PDE11A: variants seen among roughly 807,000 people sequenced by gnomAD.
PDE11A encodes phosphodiesterase 11A.
Under a neutral mutation model 100.5 loss-of-function variants are expected in PDE11A, and 100 were observed. The observed-to-expected ratio is 1.00, with a 90% CI of 0.85 to 1.18. PDE11A has a LOEUF of 1.18. Ranked by LOEUF, PDE11A falls within the 50% of genes most tolerant of loss-of-function variation. The pLI, the probability that PDE11A is intolerant of heterozygous loss-of-function variation, is 0.00. For missense variants in PDE11A, 1,141 were observed against 1,152.6 expected, an observed-to-expected ratio of 0.99 and a Z score of 0.15; for synonymous variants, 381 against 420.8, an observed-to-expected ratio of 0.91 and a Z score of 1.16.
intron 19 of PDE11A, among the ~76,000 whole-genome samples, chr2:177,637,321 A>T (rs143949550): frequency 6.6e-6 from 1 of 152,144 alleles, no homozygotes. Flanking sequence ...TCCCTAGAGA[A>T]CTAATCCTTC....
At chr2:177,768,540 G>C (rs2082268706) in intron 10 of PDE11A, among the ~76,000 whole-genome samples, 1 of 152,144 alleles carries the variant, frequency 6.6e-6, no homozygotes, top group Admixed American at 6.6e-5. Flanking sequence ...AAAAGGAAAG[G>C]AAATCAATTT....
intron 9 of PDE11A, among the ~76,000 whole-genome samples, chr2:177,789,304 T>C (rs932455609): frequency 3.8e-4 from 58 of 152,208 alleles, no homozygotes; most frequent in Non-Finnish European, 6.6e-4. Context: ...ATTATCTCAA[T>C]AGATGCAGAA....
chr2:177,998,726 G>T, intron 2 of PDE11A: 1 of 953,876 alleles, frequency 1.0e-6, no homozygotes. Flanking sequence ...CCGTGGTATC[G>T]GCCATGATGC....
intron 4 of PDE11A, among the ~76,000 whole-genome samples, chr2:177,880,093 C>A (rs2084304660): frequency 6.6e-6 from 1 of 152,164 alleles, no homozygotes; most frequent in Non-Finnish European, 1.5e-5. Flanking sequence ...ACACTGTATT[C>A]ATGAACCACG....
At chr2:177,830,849 A>G (rs534571343) in intron 6 of PDE11A, among the ~76,000 whole-genome samples, 2 of 151,964 alleles carry the variant, frequency 1.3e-5, no homozygotes, top group African/African-American at 2.4e-5. Context: ...ATAAATAAAT[A>G]TAATATTATA....
intron 5 of PDE11A, among the ~76,000 whole-genome samples, chr2:177,853,678 A>ATGTG (rs2083765478): frequency 5.9e-5 from 2 of 33,864 alleles, no homozygotes; most frequent in African/African-American, 2.0e-4. Context: ...ATATATATAT[A>ATGTG]TATGTGTGTG....
chr2:178,072,799 A>G, upstream of PDE11A: 1 of 1,222,888 alleles, frequency 8.2e-7, no homozygotes, highest in Non-Finnish European at 1.0e-6. Context: ...CCGCTGTGAC[A>G]GGGAGGTAGG....
rs1057233303 is a variant in PDE11A at position 178,044,431 on chromosome 2, T to C, written c.912+27095A>G. Among the ~76,000 whole-genome samples the C allele has an allele frequency of 5.4e-5, 8 of 148,944 alleles. No individual in the cohort carries two copies. In the East Asian group the frequency reaches 1.6e-3, roughly 29 times the overall value. ...TATATAAACTTTATATATATGTTTA[T>C]ATACATAAACATATATATGTATGTA... On this transcript the variant is annotated intron_variant, in intron 1 of 19. Transcript: ENST00000286063.
intron 9 of PDE11A, among the ~76,000 whole-genome samples, chr2:177,789,528 G>C (rs2082594935): frequency 6.6e-6 from 1 of 151,574 alleles, no homozygotes; most frequent in Admixed American, 6.6e-5. Flanking sequence ...AGTGTTGGAA[G>C]TTCTGGCCAG....
chr2:177,871,855 T>G (rs951791987), intron 5 of PDE11A, among the ~76,000 whole-genome samples: 2 of 152,026 alleles, frequency 1.3e-5, no homozygotes, highest in African/African-American at 4.8e-5. Context: ...AGTGAGACCC[T>G]GTCTCTAAAA....
intron 17 of PDE11A, among the ~76,000 whole-genome samples, chr2:177,670,167 C>T (rs1574027503): frequency 6.6e-6 from 1 of 152,294 alleles, no homozygotes; most frequent in East Asian, 1.9e-4. Flanking sequence ...CAGACTTTTA[C>T]AGTAGGTCAC....
At chr2:177,921,974 A>T (rs1207711298) in intron 2 of PDE11A, 2 of 152,228 alleles carry the variant, frequency 1.3e-5, no homozygotes, top group Non-Finnish European at 2.9e-5. Flanking sequence ...AGGGAAAAAG[A>T]ATTATCTCAA....
chr2:177,915,213 T>A (rs923427011), intron 2 of PDE11A, among the ~76,000 whole-genome samples: 12 of 152,194 alleles, frequency 7.9e-5, no homozygotes, highest in Non-Finnish European at 1.5e-4. Flanking sequence ...TAAAGTCTAG[T>A]CTACAAAGTC....
At chr2:177,859,729 T>C (rs557497971) in intron 5 of PDE11A, among the ~76,000 whole-genome samples, 2 of 151,460 alleles carry the variant, frequency 1.3e-5, no homozygotes, top group East Asian at 3.9e-4. Flanking sequence ...AAAAAACAAG[T>C]CTCAATAAGT....
intron 9 of PDE11A, among the ~76,000 whole-genome samples, chr2:177,785,809 T>A (rs2082527258): frequency 6.6e-6 from 1 of 152,172 alleles, no homozygotes; most frequent in African/African-American, 2.4e-5. Flanking sequence ...GAGATCAAAC[T>A]GCAAGGCGGC....
intron 10 of PDE11A, among the ~76,000 whole-genome samples, chr2:177,736,198 G>A (rs1435916472): frequency 1.3e-5 from 2 of 152,130 alleles, no homozygotes; most frequent in Non-Finnish European, 2.9e-5. Flanking sequence ...AAGGAAGGAC[G>A]TGCTCCCGGG....
At chr2:178,105,720 C>A in intron 1 of PDE11A, 1 of 1,090,354 alleles carries the variant, frequency 9.2e-7, no homozygotes, top group East Asian at 3.0e-5. Context: ...TAGGTCTCAC[C>A]TGCAGCCTGG....
intron 2 of PDE11A, among the ~76,000 whole-genome samples, chr2:178,096,158 T>A (rs999055480): frequency 7.8e-6 from 1 of 129,020 alleles, no homozygotes; most frequent in South Asian, 2.6e-4. Context: ...AACAGGTTTT[T>A]CTTTTCTTTT....
chr2:177,748,479 G>T (rs373525038), intron 10 of PDE11A, among the ~76,000 whole-genome samples: 14 of 152,070 alleles, frequency 9.2e-5, no homozygotes, highest in Non-Finnish European at 1.8e-4. Context: ...ATCTATTTGC[G>T]TATTATTAAA....
Sources: gnomAD v4.1 joint callset for allele counts (sites outside exome capture counted in the v4.1 genomes callset) on GRCh38, gnomAD v4.1.1 for gene constraint, MANE v1.5 for transcripts, NCBI Gene and HGNC (gene_info 2026-07-23, HGNC 2026-07-21) for gene names.